SNCAIP: variants seen among roughly 807,000 people sequenced by gnomAD.
SNCAIP encodes synphilin-1.
A neutral mutation model predicts 86.7 loss-of-function variants in SNCAIP; 43 were observed. That is an observed-to-expected ratio of 0.50 (90% CI 0.39 to 0.64). The LOEUF (loss-of-function observed/expected upper bound fraction) is 0.64, where lower values mean the gene tolerates loss of function less well. Among genes scored for constraint, SNCAIP ranks in the 30% least tolerant of loss-of-function variants. SNCAIP has a pLI of 0.00. For synonymous variants in SNCAIP, 417 were observed against 427.2 expected (o/e 0.98, Z 0.29); for missense variants, 981 against 1,103.1 (o/e 0.89, Z 1.57).
chr5:122,423,753 A>G lies in SNCAIP; in HGVS notation c.1002+14A>G. On this transcript the variant is annotated intron_variant, in intron 4 of 10. Coordinates refer to ENST00000261368, the MANE Select transcript of SNCAIP (RefSeq NM_005460.4). Reference sequence around the variant, plus strand: ...ATCTCTCTCCTGGTAAGTATAATCTAGTTCAGTATACATGTCAATAGACTG... The same window carrying G: ...ATCTCTCTCCTGGTAAGTATAATCTGGTTCAGTATACATGTCAATAGACTG... The G allele has an allele frequency of 6.3e-7, 1 of 1,595,620 alleles. No homozygotes were observed. The highest frequency in any genetic ancestry group is 8.5e-7 in the Non-Finnish European group (1 of 1,176,454).
intron 4 of SNCAIP, 28 bp downstream of exon 4, chr5:122,423,767 G>C: frequency 1.9e-6 from 3 of 1,575,450 alleles, no homozygotes; most frequent in Non-Finnish European, 2.6e-6. Flanking sequence ...CAGTATACAT[G>C]TCAATAGACT....
At chr5:122,412,393 C>G (rs1374180429) in intron 3 of SNCAIP, among the ~76,000 whole-genome samples, 1 of 152,172 alleles carries the variant, frequency 6.6e-6, no homozygotes, top group Admixed American at 6.5e-5. Flanking sequence ...TGACACTTTG[C>G]TATTCTCATC....
chr5:122,406,806 T>C (rs1773101456), intron 3 of SNCAIP, among the ~76,000 whole-genome samples: 1 of 150,048 alleles, frequency 6.7e-6, no homozygotes, highest in African/African-American at 2.4e-5. Context: ...TTAAACCTCC[T>C]TTCTTTATAA....
intron 1 of SNCAIP, among the ~76,000 whole-genome samples, chr5:122,385,114 C>T (rs1384594016): frequency 6.6e-6 from 1 of 152,172 alleles, no homozygotes; most frequent in African/African-American, 2.4e-5. Flanking sequence ...TCTCCAAGGT[C>T]TAGATTGGGT....
intron 10 of SNCAIP, among the ~76,000 whole-genome samples, chr5:122,456,487 C>G (rs893958906): frequency 6.6e-6 from 1 of 152,214 alleles, no homozygotes; most frequent in African/African-American, 2.4e-5. Context: ...GCCAGGACAT[C>G]ATACTAAACA....
At chr5:122,411,578 TC>T (rs1211662558) in intron 3 of SNCAIP, among the ~76,000 whole-genome samples, 1 of 151,628 alleles carries the variant, frequency 6.6e-6, no homozygotes, top group Non-Finnish European at 1.5e-5. Context: ...AAAAAAAAAG[TC>T]ATAAAGTAAA....
chr5:122,369,659 G>A (rs1763877987), intron 1 of SNCAIP: 1 of 152,164 alleles, frequency 6.6e-6, no homozygotes, highest in Non-Finnish European at 1.5e-5. Context: ...GCCAATGTTA[G>A]GTTTTCAAAG....
intron 6 of SNCAIP, among the ~76,000 whole-genome samples, chr5:122,438,319 A>G (rs1439896623): frequency 1.3e-5 from 2 of 152,192 alleles, no homozygotes; most frequent in African/African-American, 4.8e-5. Context: ...AAAGATGTGC[A>G]CATTAGGTGA....
chr5:122,454,038 C>T (rs76591413), intron 10 of SNCAIP, among the ~76,000 whole-genome samples: 26,903 of 152,060 alleles, frequency 0.18, 3,017 homozygotes, highest in South Asian at 0.29. Context: ...GGTTTACAGG[C>T]GTGAGCCACC....
At chr5:122,331,413 A>G (rs1306163617) in intron 1 of SNCAIP, among the ~76,000 whole-genome samples, 1 of 152,210 alleles carries the variant, frequency 6.6e-6, no homozygotes, top group African/African-American at 2.4e-5. Flanking sequence ...TTCAGAAGAT[A>G]TAATTAGTCT....
chr5:122,432,630 A>G (rs903189156), intron 6 of SNCAIP, among the ~76,000 whole-genome samples: 1 of 152,168 alleles, frequency 6.6e-6, no homozygotes, highest in African/African-American at 2.4e-5. Flanking sequence ...TAAGACATTA[A>G]TCAAGGCAGT....
intron 5 of SNCAIP, among the ~76,000 whole-genome samples, chr5:122,427,591 C>T (rs933994273): frequency 3.9e-5 from 6 of 152,146 alleles, no homozygotes; most frequent in Admixed American, 2.0e-4. Flanking sequence ...TATTTTGTCT[C>T]AGTCCATTCA....
At chr5:122,383,015 C>G (rs1221427218) in intron 1 of SNCAIP, among the ~76,000 whole-genome samples, 3 of 152,206 alleles carry the variant, frequency 2.0e-5, no homozygotes, top group Non-Finnish European at 4.4e-5. Flanking sequence ...GCCCTGCCCC[C>G]AGAGGTGGAG....
At chr5:122,453,452 G>A (rs1032735883) in intron 10 of SNCAIP, among the ~76,000 whole-genome samples, 1 of 152,164 alleles carries the variant, frequency 6.6e-6, no homozygotes, top group African/African-American at 2.4e-5. Context: ...CTCAGGAGAA[G>A]CAAGGCCTTG....
In SNCAIP at chr5:122,423,646, G is replaced by C. The variant is rs2152926784; in HGVS notation, c.909G>C (p.Arg303=). 1.2e-6 allele frequency: 2 copies of C among 1,612,678 alleles called. No individual in the cohort carries two copies. Among genetic ancestry groups the C allele is most frequent in the Non-Finnish European group, 1.7e-6 (2 of 1,179,960 alleles). ...AAGAGCAGGTCAGTGGCCTAAACCG[G>C]ACCAGCTCCCAAGGCCCAGAAGAAA... ...KPEEQVSGLN[R]TSSQGPEERS... Residue 303 remains arginine, a synonymous_variant, in exon 4 of 11, where the codon CGG becomes CGC. Coordinates refer to ENST00000261368, the MANE Select transcript of SNCAIP (RefSeq NM_005460.4).
chr5:122,352,152 AC>A (rs1224409323), intron 1 of SNCAIP, among the ~76,000 whole-genome samples: 3 of 152,160 alleles, frequency 2.0e-5, no homozygotes, highest in Non-Finnish European at 4.4e-5. Context: ...ATCAGATGTC[AC>A]CCAGACACTC....
intron 5 of SNCAIP, among the ~76,000 whole-genome samples, chr5:122,426,389 G>A (rs1214501348): frequency 6.6e-6 from 1 of 152,104 alleles, no homozygotes; most frequent in Non-Finnish European, 1.5e-5. Context: ...GAATTTGTTA[G>A]AGAAACCTAC....
rs372903978 is a variant in SNCAIP, at chr5:122,359,349, T to TTTTTTTTATTTATTTATTTA, written c.-46-31737_-46-31736insTTTTATTTATTTATTTATTT. Among the ~76,000 whole-genome samples, 1,056 of 142,224 alleles carry TTTTTTTTATTTATTTATTTA rather than the reference T, an allele frequency of 7.4e-3. 11 individuals carry two copies. Among genetic ancestry groups the TTTTTTTTATTTATTTATTTA allele is most frequent in the South Asian group, 0.03 (133 of 4,414 alleles). 93.3% of individuals were successfully genotyped at this position (142,224 alleles called of 152,430 possible). ...CTGAGTAAAAACATGAGATTTTTATTTTTATTTATTTATTTATTTATTTAT... is the reference window on the plus strand; with the variant it reads ...CTGAGTAAAAACATGAGATTTTTATTTTTTTTTATTTATTTATTTATTTATTTATTTATTTATTTATTTAT... On this transcript the variant is annotated intron_variant, in intron 1 of 10. Coordinates refer to ENST00000261368, the MANE Select transcript of SNCAIP (RefSeq NM_005460.4).
intron 4 of SNCAIP, among the ~76,000 whole-genome samples, chr5:122,424,066 A>T (rs929446029): frequency 1.3e-5 from 2 of 152,192 alleles, no homozygotes; most frequent in African/African-American, 2.4e-5. Context: ...AATGGTTCCC[A>T]GTGCTCTCAC....
Sources: gnomAD v4.1 joint callset for allele counts (sites outside exome capture counted in the v4.1 genomes callset) on GRCh38, gnomAD v4.1.1 for gene constraint, MANE v1.5 for transcripts, NCBI Gene and HGNC (gene_info 2026-07-23, HGNC 2026-07-21) for gene names.